The following EPM2A variants were observed in gnomAD, a reference collection of about 807,000 sequenced individuals.
EPM2A encodes the protein laforin.
Under a neutral mutation model 26.5 loss-of-function variants are expected in EPM2A, and 21 were observed. The observed-to-expected ratio is 0.79, with a 90% CI of 0.56 to 1.14. The LOEUF (loss-of-function observed/expected upper bound fraction) is 1.14, where lower values mean the gene tolerates loss of function less well. Among genes scored for constraint, EPM2A ranks in the 50% most tolerant of loss-of-function variants. The probability of loss-of-function intolerance (pLI) is 0.00; values close to 1 mark genes in which losing one functional copy is unlikely to be tolerated. For synonymous variants in EPM2A, 217 were observed against 177.6 expected, an observed-to-expected ratio of 1.22 and a Z score of -1.76; for missense variants, 458 against 440.8, an observed-to-expected ratio of 1.04 and a Z score of -0.35.
chr6:145,427,663 G>A (rs1778869152), intron 4 of EPM2A, among the ~76,000 whole-genome samples: 1 of 152,128 alleles, frequency 6.6e-6, no homozygotes, highest in Admixed American at 6.5e-5. Context: ...GTCTAGTTAG[G>A]AGACTATTCA....
intron 4 of EPM2A, among the ~76,000 whole-genome samples, chr6:145,451,516 A>G (rs1779194977): frequency 6.6e-6 from 1 of 152,232 alleles, no homozygotes; most frequent in African/African-American, 2.4e-5. Flanking sequence ...CTCTTTTCCA[A>G]ATACAGGTAT....
At position 145,625,516 on chromosome 6, in the gene EPM2A, A is replaced by G. The variant is rs1412318184; in HGVS notation, c.*1900T>C. On this transcript the variant is annotated 3_prime_UTR_variant, in exon 4 of 4. Transcript: ENST00000367519. ...AATTATGAAGCTGGATTTCTTAGACATTAAAGAAATTCACAGACCCACATA... is the reference window on the plus strand; with the variant it reads ...AATTATGAAGCTGGATTTCTTAGACGTTAAAGAAATTCACAGACCCACATA... 7.1e-6 allele frequency: 4 copies of G among 567,020 alleles called. No homozygotes were observed. The highest frequency in any genetic ancestry group is 1.3e-5 in the Non-Finnish European group (4 of 318,232). The allele number at this position is 567,020 out of a possible 1,614,324, so 35.1% of individuals were successfully genotyped here.
At chr6:145,672,538 A>G (rs890145938) in intron 2 of EPM2A, among the ~76,000 whole-genome samples, 2 of 152,376 alleles carry the variant, frequency 1.3e-5, no homozygotes, top group South Asian at 4.1e-4. Context: ...AGAAAAAGAA[A>G]TAAGAACTAG....
chr6:145,563,474 G>A (rs1256348104), intron 2 of EPM2A, among the ~76,000 whole-genome samples: 4 of 151,846 alleles, frequency 2.6e-5, no homozygotes, highest in Non-Finnish European at 5.9e-5. Flanking sequence ...CGGTTAGAGA[G>A]GCCAGAGCAT....
intron 2 of EPM2A, among the ~76,000 whole-genome samples, chr6:145,614,265 T>G (rs1476041354): frequency 6.6e-6 from 1 of 152,226 alleles, no homozygotes; most frequent in East Asian, 1.9e-4. Flanking sequence ...TTGAAGAGAG[T>G]TAGGGCTTTG....
chr6:145,622,165 A>C (rs1389643568), downstream of EPM2A, among the ~76,000 whole-genome samples: 1 of 152,138 alleles, frequency 6.6e-6, no homozygotes, highest in Non-Finnish European at 1.5e-5. Context: ...GTCCTTTAGT[A>C]ATGTTGGTAT....
intron 2 of EPM2A, among the ~76,000 whole-genome samples, chr6:145,503,729 A>C (rs1462903158): frequency 5.0e-5 from 4 of 80,152 alleles, no homozygotes; most frequent in East Asian, 7.3e-4. Flanking sequence ...TCTTCACAGA[A>C]TTGGAAAAAA....
At chr6:145,488,606 CCA>C (rs1779710475) in intron 4 of EPM2A, among the ~76,000 whole-genome samples, 1 of 150,210 alleles carries the variant, frequency 6.7e-6, no homozygotes, top group South Asian at 2.1e-4. Context: ...ATTTTTAACC[CCA>C]CAGTTTAGCA....
intron 2 of EPM2A, among the ~76,000 whole-genome samples, chr6:145,605,372 T>TA (rs1453195438): frequency 2.6e-5 from 4 of 152,052 alleles, no homozygotes; most frequent in African/African-American, 9.7e-5. Flanking sequence ...ATAGAAACAG[T>TA]AAAAAATATA....
chr6:145,461,018 A>G (rs1779323385), intron 4 of EPM2A, among the ~76,000 whole-genome samples: 1 of 152,158 alleles, frequency 6.6e-6, no homozygotes, highest in African/African-American at 2.4e-5. Flanking sequence ...ATTAGCAATC[A>G]AATACTTTGA....
chr6:145,698,712 C>T (rs1252855552), intron 1 of EPM2A, among the ~76,000 whole-genome samples: 3 of 151,744 alleles, frequency 2.0e-5, no homozygotes, highest in Non-Finnish European at 4.4e-5. Context: ...ATTGTGTCTC[C>T]CCCACCCCAA....
At chr6:145,386,572 T>A (rs1214829232) in intron 4 of EPM2A, among the ~76,000 whole-genome samples, 1 of 148,254 alleles carries the variant, frequency 6.7e-6, no homozygotes, top group Non-Finnish European at 1.5e-5. Context: ...AATTCAAAAC[T>A]TTTTTTTAAA....
chr6:145,530,995 T>C (rs960237728), intron 2 of EPM2A, among the ~76,000 whole-genome samples: 2 of 152,178 alleles, frequency 1.3e-5, no homozygotes, highest in Non-Finnish European at 2.9e-5. Flanking sequence ...TCTCTATAGC[T>C]AATTGCTCAT....
chr6:145,671,843 T>C (rs1002878423), intron 2 of EPM2A, among the ~76,000 whole-genome samples: 8 of 152,220 alleles, frequency 5.3e-5, no homozygotes, highest in Admixed American at 1.3e-4. Context: ...AACATGCTTT[T>C]ACAATACATT....
At chr6:145,510,973 G>A (rs1780047930) in intron 2 of EPM2A, among the ~76,000 whole-genome samples, 1 of 152,070 alleles carries the variant, frequency 6.6e-6, no homozygotes, top group African/African-American at 2.4e-5. Flanking sequence ...ATGTCTATGT[G>A]CACAGACTAG....
intron 2 of EPM2A, among the ~76,000 whole-genome samples, chr6:145,579,675 A>G (rs1364529441): frequency 6.6e-6 from 1 of 152,138 alleles, no homozygotes; most frequent in Non-Finnish European, 1.5e-5. Context: ...GCTCACTTAC[A>G]TTTATTGTGA....
chr6:145,452,235 T>C (rs1014775128), intron 4 of EPM2A, among the ~76,000 whole-genome samples: 1 of 152,148 alleles, frequency 6.6e-6, no homozygotes, highest in Non-Finnish European at 1.5e-5. Context: ...CCTTAACAAA[T>C]ACGTTTCCAT....
chr6:145,388,035 A>G (rs1478693225), intron 4 of EPM2A, among the ~76,000 whole-genome samples: 1 of 152,190 alleles, frequency 6.6e-6, no homozygotes, highest in Non-Finnish European at 1.5e-5. Flanking sequence ...TCCAACCGTG[A>G]TCATAAGATC....
intron 2 of EPM2A, among the ~76,000 whole-genome samples, chr6:145,571,588 C>G (rs1431660722): frequency 6.6e-6 from 1 of 152,146 alleles, no homozygotes; most frequent in African/African-American, 2.4e-5. Flanking sequence ...GGAAGAGGTC[C>G]AGTATAATCA....
Sources: gnomAD v4.1 joint callset for allele counts (sites outside exome capture counted in the v4.1 genomes callset) on GRCh38, gnomAD v4.1.1 for gene constraint, MANE v1.5 for transcripts, NCBI Gene and HGNC (gene_info 2026-07-23, HGNC 2026-07-21) for gene names.